INO80: variants seen among roughly 807,000 people sequenced by gnomAD.
The protein encoded by INO80 is chromatin-remodeling ATPase INO80.
INO80 carries 20 observed loss-of-function variants against 203.4 expected under a neutral mutation model. That is an observed-to-expected ratio of 0.10 (90% CI 0.07 to 0.14). INO80 has a LOEUF of 0.14. Ranked by LOEUF, INO80 falls within the 10% of genes least tolerant of loss-of-function variation. The probability of loss-of-function intolerance (pLI) is 1.00; values close to 1 mark genes in which losing one functional copy is unlikely to be tolerated. For missense variants in INO80, 1,419 were observed against 1,914.4 expected, an observed-to-expected ratio of 0.74 and a Z score of 4.83; for synonymous variants, 726 against 685.2, an observed-to-expected ratio of 1.06 and a Z score of -0.93.
At chr15:41,096,759 C>A (rs559826395) in intron 1 of INO80, among the ~76,000 whole-genome samples, 2 of 152,186 alleles carry the variant, frequency 1.3e-5, no homozygotes, top group Non-Finnish European at 2.9e-5. Context: ...GAGGAGCACT[C>A]GTTCTCAGCA....
intron 1 of INO80, among the ~76,000 whole-genome samples, chr15:41,100,220 G>A (rs551894353): frequency 5.3e-5 from 8 of 152,022 alleles, no homozygotes; most frequent in African/African-American, 1.7e-4. Context: ...GACTACAGGC[G>A]CCTGCCACCA....
intron 1 of INO80, among the ~76,000 whole-genome samples, chr15:41,103,895 C>T (rs921620816): frequency 6.6e-6 from 1 of 152,074 alleles, no homozygotes; most frequent in Admixed American, 6.6e-5. Context: ...TCAGACCTGT[C>T]TCACTTCGCG....
chr15:41,055,086 C>CA (rs2044958915), intron 18 of INO80, among the ~76,000 whole-genome samples, 161 bp downstream of exon 18: 1 of 152,074 alleles, frequency 6.6e-6, no homozygotes, highest in South Asian at 2.1e-4. Context: ...TAAATATGTA[C>CA]AAAAAACAAA....
intron 27 of INO80, among the ~76,000 whole-genome samples, chr15:41,013,818 T>C (rs2044165231): frequency 6.6e-6 from 1 of 152,240 alleles, no homozygotes; most frequent in Non-Finnish European, 1.5e-5. Context: ...ATGTTATACA[T>C]ATGGCTAAGC....
chr15:41,075,492 T>C (rs1026993122), intron 9 of INO80, among the ~76,000 whole-genome samples: 1 of 152,044 alleles, frequency 6.6e-6, no homozygotes, highest in Non-Finnish European at 1.5e-5. Flanking sequence ...TCTCCCTCTG[T>C]CGCCCAGGCT....
chr15:41,101,802 G>A (rs1043508647), intron 1 of INO80, among the ~76,000 whole-genome samples: 5 of 151,780 alleles, frequency 3.3e-5, no homozygotes, highest in South Asian at 2.1e-4. Context: ...CACCCACCTC[G>A]GCCTCCCAAA....
At chr15:41,016,026 A>T (rs955504934) in intron 27 of INO80, 62 bp downstream of exon 27, 52 of 1,364,164 alleles carry the variant, frequency 3.8e-5, no homozygotes, top group Non-Finnish European at 5.3e-5. Context: ...TTAGTCATGG[A>T]CATCTGATTC....
intron 12 of INO80, among the ~76,000 whole-genome samples, chr15:41,071,448 C>CTTTT (rs747609865): frequency 9.2e-5 from 8 of 87,036 alleles, no homozygotes; most frequent in Admixed American, 1.3e-4. Context: ...TACTCATTTC[C>CTTTT]TTTTTTTTTT....
chr15:41,074,754 T>G (rs2045377625), intron 9 of INO80, among the ~76,000 whole-genome samples, 189 bp from the exon 10 acceptor site: 1 of 152,180 alleles, frequency 6.6e-6, no homozygotes, highest in African/African-American at 2.4e-5. Flanking sequence ...TAAATTTCTT[T>G]TCCTTTTTCA....
rs2043718125 is a variant in INO80, at chr15:40,985,496, G to A, written c.3833-70C>T. ...TCATAATCCTCACTCTCTTAATTAA[G>A]GTGGCCATATCCCCTGATGTTTATT... On this transcript the variant is annotated intron_variant, in intron 31 of 35. Transcript: ENST00000648947. The A allele has an allele frequency of 3.6e-6, 4 of 1,099,756 alleles. No homozygotes were observed. In the East Asian group the frequency reaches 9.4e-5, roughly 26 times the overall value. 68.1% of individuals were successfully genotyped at this position (1,099,756 alleles called of 1,614,324 possible).
intron 24 of INO80, among the ~76,000 whole-genome samples, chr15:41,032,499 A>G (rs1374741996): frequency 6.6e-6 from 1 of 152,226 alleles, no homozygotes; most frequent in Non-Finnish European, 1.5e-5. Context: ...AGATACAGGT[A>G]CTGTAGCTGA....
intron 1 of INO80, among the ~76,000 whole-genome samples, chr15:41,105,409 G>A (rs929145849): frequency 2.0e-4 from 31 of 152,078 alleles, no homozygotes; most frequent in African/African-American, 7.5e-4. Context: ...TGTTTCATAT[G>A]TGTTTGCATT....
At chr15:41,061,031 G>T (rs2140561146) in intron 14 of INO80, among the ~76,000 whole-genome samples, 1 of 152,336 alleles carries the variant, frequency 6.6e-6, no homozygotes, top group East Asian at 1.9e-4. Context: ...TTTTGGCCAG[G>T]AGTAGTGGCT....
chr15:41,017,211 A>G (rs2044224394), intron 26 of INO80: 1 of 149,850 alleles, frequency 6.7e-6, no homozygotes, highest in Admixed American at 6.6e-5. Flanking sequence ...AGATCTTTAA[A>G]GAACACTTAA....
intron 1 of INO80, among the ~76,000 whole-genome samples, chr15:41,100,068 G>C (rs1284509170): frequency 1.3e-5 from 2 of 151,998 alleles, no homozygotes; most frequent in Non-Finnish European, 2.9e-5. Flanking sequence ...GATTCGAAAT[G>C]AATGGAATAT....
chr15:41,071,930 A>G lies in INO80; in HGVS notation c.1524T>C (p.Ile508=). 1 of 1,614,142 alleles carries G rather than the reference A, an allele frequency of 6.2e-7. No homozygotes were observed. The highest frequency in any genetic ancestry group is 2.2e-5 in the East Asian group (1 of 44,874). Residue 508 remains isoleucine (I), a synonymous_variant, in exon 12 of 36, where the codon ATT becomes ATC. Transcript: ENST00000648947. ...TGCCATTAAAAATTGTGGGCTGTGGAATATCCTCACCAGCCCGGATAGATG... is the reference window on the plus strand; with the variant it reads ...TGCCATTAAAAATTGTGGGCTGTGGGATATCCTCACCAGCCCGGATAGATG... The part of the protein sequence containing the change: ...ANPSIRAGED[I]PQPTIFNGKL...
intron 1 of INO80, among the ~76,000 whole-genome samples, chr15:41,103,978 G>T (rs1426310256): frequency 2.0e-5 from 3 of 151,852 alleles, no homozygotes; most frequent in Non-Finnish European, 4.4e-5. Flanking sequence ...CACCTTGGGA[G>T]GCCAAGGAAG....
Position 41,045,078 on chromosome 15 carries a change from G to A in INO80, c.2736-3C>T. 1 of 1,596,712 alleles carries A rather than the reference G, an allele frequency of 6.3e-7. No individual in the cohort carries two copies. The highest frequency in any genetic ancestry group is 8.5e-7 in the Non-Finnish European group (1 of 1,175,432). Reference sequence around the variant, plus strand: ...GAGACAGGAAAAGAGCTAACCATCTGAAACAAACCACAGCAGACACGCTTA... The same window carrying A: ...GAGACAGGAAAAGAGCTAACCATCTAAAACAAACCACAGCAGACACGCTTA... On this transcript the variant is annotated splice_polypyrimidine_tract_variant and splice_region_variant and intron_variant, in intron 23 of 35. Transcript: ENST00000648947.
In INO80 at chr15:41,008,954, C is replaced by T. The variant is rs540131649; in HGVS notation, c.3403-3267G>A. 2.2e-4 allele frequency among the ~76,000 whole-genome samples: 34 copies of T among 152,322 alleles called. No homozygotes were observed. In the South Asian group the frequency reaches 7.0e-3, roughly 32 times the overall value. Reference sequence around the variant, plus strand: ...GTTCAAGCGATTCTCCTGCCTCAGTCTCCCAGGTAGCTGGATTATAGGCAT... The same window carrying T: ...GTTCAAGCGATTCTCCTGCCTCAGTTTCCCAGGTAGCTGGATTATAGGCAT... On this transcript the variant is annotated intron_variant, in intron 27 of 35. Coordinates refer to ENST00000648947, the MANE Select transcript of INO80 (RefSeq NM_017553.3).
Sources: gnomAD v4.1 joint callset for allele counts (sites outside exome capture counted in the v4.1 genomes callset) on GRCh38, gnomAD v4.1.1 for gene constraint, MANE v1.5 for transcripts, NCBI Gene and HGNC (gene_info 2026-07-23, HGNC 2026-07-21) for gene names.